The following ZNF273 variants were observed in gnomAD, a reference collection of about 807,000 sequenced individuals.
ZNF273 encodes zinc finger protein 273.
Under a neutral mutation model 14.9 loss-of-function variants are expected in ZNF273, and 11 were observed. The observed-to-expected ratio is 0.74, with a 90% CI of 0.46 to 1.22. ZNF273 has a LOEUF of 1.22. Ranked by LOEUF, ZNF273 falls within the 50% of genes most tolerant of loss-of-function variation. The pLI, the probability that ZNF273 is intolerant of heterozygous loss-of-function variation, is 0.00. For missense variants in ZNF273, 577 were observed against 660.6 expected (o/e 0.87, Z 1.39); for synonymous variants, 199 against 223.9 (o/e 0.89, Z 0.99).
chr7:64,929,367 A>G lies in ZNF273; in HGVS notation c.*329A>G. 1 of 167,506 alleles carries G rather than the reference A, an allele frequency of 6.0e-6. No homozygotes were observed. The highest frequency in any genetic ancestry group is 1.3e-5 in the Non-Finnish European group (1 of 78,172). 10.4% of individuals were successfully genotyped at this position (167,506 alleles called of 1,614,324 possible). On this transcript the variant is annotated 3_prime_UTR_variant, in exon 4 of 4. Coordinates refer to ENST00000476120, the MANE Select transcript of ZNF273 (RefSeq NM_021148.3). ...AGAGGTTTGTAGTACCTTTGTTTGT[A>G]TCATAGATCTTATTGTACACATTTT...
At chr7:64,905,598 A>C (rs1281384197) in intron 1 of ZNF273, among the ~76,000 whole-genome samples, 2 of 152,086 alleles carry the variant, frequency 1.3e-5, no homozygotes, top group Non-Finnish European at 2.9e-5. Context: ...TGAAAGAAAA[A>C]ATAGTGTACC....
downstream of ZNF273, among the ~76,000 whole-genome samples, chr7:64,934,142 GCATTGGTCTCC>G (rs1795042274): frequency 6.6e-6 from 1 of 152,046 alleles, no homozygotes; most frequent in Non-Finnish European, 1.5e-5. Flanking sequence ...TGATCTGCCC[GCATTGGTCTCC>G]CATAGTGCTG....
At position 64,928,998 on chromosome 7, in the gene ZNF273, T is replaced by A; in HGVS notation, c.1670T>A (p.Phe557Tyr). ...CDSAFDNTPN[F>Y]SRHKRNHMGE... ...AGTGCTTTTGACAACACCCCAAACT[T>A]TTCTAGACATAAAAGAAATCATATG... Residue 557 changes from phenylalanine (F) to tyrosine (Y), a missense_variant, in exon 4 of 4, where the codon TTT becomes TAT. Physicochemically the swap from Phe to Tyr is conservative, Grantham distance 22. Transcript: ENST00000476120. The A allele has an allele frequency of 1.9e-6, 3 of 1,570,086 alleles. No individual in the cohort carries two copies. The highest frequency in any genetic ancestry group is 2.6e-6 in the Non-Finnish European group (3 of 1,162,330).
At chr7:64,886,834 C>G (rs1193693548) in intron 1 of ZNF273, among the ~76,000 whole-genome samples, 2 of 152,142 alleles carry the variant, frequency 1.3e-5, no homozygotes, top group Non-Finnish European at 2.9e-5. Context: ...TCTTGTGGTA[C>G]AAGAAGGAAA....
intron 3 of ZNF273, among the ~76,000 whole-genome samples, chr7:64,921,844 G>T (rs1794483687): frequency 6.6e-6 from 1 of 151,686 alleles, no homozygotes. Context: ...GGCCAGGCTG[G>T]TCTCGAACTC....
At chr7:64,888,759 T>G in exon 2 of ZNF273, 2 of 985,690 alleles carry the variant, frequency 2.0e-6, no homozygotes, top group Non-Finnish European at 2.4e-6. Flanking sequence ...CAGAGCCGGA[T>G]AGAAACGCTG....
At chr7:64,932,719 C>T (rs953237425), downstream of ZNF273, among the ~76,000 whole-genome samples, 3 of 151,930 alleles carry the variant, frequency 2.0e-5, no homozygotes, top group East Asian at 5.9e-4. Flanking sequence ...GCCAGGAGTG[C>T]GAAACCAGCC....
In ZNF273 at chr7:64,904,619, A is replaced by G. The variant is rs148403578; in HGVS notation, c.102+1200A>G. Among the ~76,000 whole-genome samples the G allele has an allele frequency of 3.4e-3, 513 of 152,320 alleles. 3 individuals are homozygous for G. Among genetic ancestry groups the G allele is most frequent in the African/African-American group, 0.012 (498 of 41,576 alleles). On this transcript the variant is annotated intron_variant, in intron 1 of 3. Transcript: ENST00000476120. Reference sequence around the variant, plus strand: ...TTCCAGTTTTTTCTGACATTCCGAAATGCCAACTTCCTCATCCTAATTCAC... The same window carrying G: ...TTCCAGTTTTTTCTGACATTCCGAAGTGCCAACTTCCTCATCCTAATTCAC...
At chr7:64,914,005 G>A (rs910948257) in intron 1 of ZNF273, among the ~76,000 whole-genome samples, 62 of 151,340 alleles carry the variant, frequency 4.1e-4, no homozygotes, top group Non-Finnish European at 1.5e-4. Context: ...AGTAATTGTC[G>A]TTTTCGCCTT....
Position 64,929,132 on chromosome 7 carries a change from T to TTTAATTAATTCTCA in ZNF273, c.*96_*97insAATTAATTCTCATT. ...TGGAGAAAACTCCCAGAAGTGGAGT[T>TTTAATTAATTCTCA]TTCCTTATTGCACAGGAAAGCATTT... is the stretch of plus-strand genomic sequence containing the variant. On this transcript the variant is annotated 3_prime_UTR_variant, in exon 4 of 4. Coordinates refer to ENST00000476120, the MANE Select transcript of ZNF273 (RefSeq NM_021148.3). The TTTAATTAATTCTCA allele has an allele frequency of 1.3e-6, 1 of 799,190 alleles. No homozygotes were observed. The allele number at this position is 799,190 out of a possible 1,614,324, so 49.5% of individuals were successfully genotyped here.
intron 1 of ZNF273, among the ~76,000 whole-genome samples, chr7:64,913,295 A>T (rs549226076): frequency 2.6e-5 from 4 of 152,332 alleles, no homozygotes; most frequent in African/African-American, 9.6e-5. Context: ...TTTTTTAAAA[A>T]ATCAGTGACA....
At chr7:64,902,675 A>C (rs1166817044), upstream of ZNF273, among the ~76,000 whole-genome samples, 1 of 152,258 alleles carries the variant, frequency 6.6e-6, no homozygotes, top group East Asian at 1.9e-4. Flanking sequence ...GTGCCACTGC[A>C]CTCCAGCCTG....
In ZNF273 at chr7:64,921,628, TTTTTTTTTTGTGTG is replaced by T. The variant is rs1222463867; in HGVS notation, c.325+3338_325+3351del. On this transcript the variant is annotated intron_variant, in intron 3 of 3. Transcript: ENST00000476120. Reference sequence around the variant, plus strand: ...TGCTTTTTTTTTTTTTTTTTTTTTTTTTTTTTTTTGTGTGTGAGACAGAGTCTTGCTCTCTTGCC... The same window carrying T: ...TGCTTTTTTTTTTTTTTTTTTTTTTTTGAGACAGAGTCTTGCTCTCTTGCC... 3.2e-3 allele frequency among the ~76,000 whole-genome samples: 129 copies of T among 39,714 alleles called. 1 individual carries two copies. The highest frequency in any genetic ancestry group is 5.1e-3 in the East Asian group (8 of 1,578). 26.1% of individuals were successfully genotyped at this position (39,714 alleles called of 152,430 possible). A position where few individuals can be genotyped will look rare whatever the true frequency, so the allele number is the denominator to read the frequency against.
chr7:64,923,798 T>C (rs1420920844), intron 3 of ZNF273: 1 of 153,834 alleles, frequency 6.5e-6, no homozygotes, highest in African/African-American at 2.4e-5. Flanking sequence ...ATATATGTGC[T>C]GCATTCTATT....
chr7:64,917,104 A>G, intron 1 of ZNF273: 1 of 1,285,878 alleles, frequency 7.8e-7, no homozygotes, highest in Non-Finnish European at 1.0e-6. Flanking sequence ...TGGGCCAAAA[A>G]CATTGGCATT....
intron 1 of ZNF273, among the ~76,000 whole-genome samples, chr7:64,887,878 C>A (rs1202638625): frequency 6.6e-6 from 1 of 151,546 alleles, no homozygotes; most frequent in Admixed American, 6.6e-5. Context: ...TGACCCATTT[C>A]AGAGGGGTGG....
chr7:64,915,406 C>A (rs775938113), intron 1 of ZNF273, among the ~76,000 whole-genome samples: 4 of 152,092 alleles, frequency 2.6e-5, no homozygotes, highest in Non-Finnish European at 5.9e-5. Context: ...GATTTACCCA[C>A]GTATTTATTG....
the ZNF273 span, among the ~76,000 whole-genome samples, chr7:64,936,781 A>G: frequency 2.0e-5 from 3 of 152,356 alleles, no homozygotes; most frequent in Non-Finnish European, 2.9e-5. Flanking sequence ...GTGCTACTCA[A>G]ATGAGTGCTC....
At chr7:64,897,201 T>C (rs1792415985) in intron 3 of ZNF273, 1 of 152,234 alleles carries the variant, frequency 6.6e-6, no homozygotes, top group African/African-American at 2.4e-5. Flanking sequence ...TGGAATTATA[T>C]GCTGAGGAGT....
Sources: gnomAD v4.1 joint callset for allele counts (sites outside exome capture counted in the v4.1 genomes callset) on GRCh38, gnomAD v4.1.1 for gene constraint, MANE v1.5 for transcripts, NCBI Gene and HGNC (gene_info 2026-07-23, HGNC 2026-07-21) for gene names.